Variants in TBCK observed in about 807,000 individuals in gnomAD.
TBCK encodes the protein TBC domain-containing protein kinase-like protein.
Under a neutral mutation model 113.4 loss-of-function variants are expected in TBCK, and 99 were observed. The observed-to-expected ratio is 0.87, with a 90% CI of 0.74 to 1.03. The LOEUF (loss-of-function observed/expected upper bound fraction) is 1.03, where lower values mean the gene tolerates loss of function less well. Among genes scored for constraint, TBCK ranks in the 50% least tolerant of loss-of-function variants. The pLI is 0.00. For missense variants in TBCK, 1,045 were observed against 1,061.3 expected (o/e 0.98, Z 0.21); for synonymous variants, 369 against 370.8 (o/e 1.00, Z 0.05).
At chr4:106,266,395 A>C (rs1762998783) in intron 3 of TBCK, among the ~76,000 whole-genome samples, 2 of 151,958 alleles carry the variant, frequency 1.3e-5, no homozygotes, top group East Asian at 3.9e-4. Flanking sequence ...TCAGCTGCAT[A>C]CTACTTCAAT....
intron 10 of TBCK, 92 bp downstream of exon 10, chr4:106,247,047 T>C (rs1760894674): frequency 3.2e-6 from 4 of 1,244,548 alleles, no homozygotes; most frequent in East Asian, 2.4e-5. Flanking sequence ...CACCAATATA[T>C]ATTGTTGATA....
intron 22 of TBCK, among the ~76,000 whole-genome samples, chr4:106,179,354 C>T (rs371254631): frequency 6.6e-6 from 1 of 151,974 alleles, no homozygotes; most frequent in East Asian, 1.9e-4. Flanking sequence ...ATTATTTCTA[C>T]TTTTCTGATG....
intron 2 of TBCK, among the ~76,000 whole-genome samples, chr4:106,305,782 C>G (rs1482108499): frequency 1.3e-5 from 2 of 152,112 alleles, no homozygotes; most frequent in Non-Finnish European, 2.9e-5. Flanking sequence ...CTAGCTAAAA[C>G]CCATCAAAAC....
intron 12 of TBCK, chr4:106,237,624 G>A (rs1560884023): frequency 4.9e-6 from 2 of 408,966 alleles, no homozygotes; most frequent in Non-Finnish European, 4.9e-6. Flanking sequence ...ACCCATGTGA[G>A]TTATTCCCAG....
intron 19 of TBCK, among the ~76,000 whole-genome samples, chr4:106,225,717 A>G (rs1187902876): frequency 6.6e-6 from 1 of 151,940 alleles, no homozygotes; most frequent in Non-Finnish European, 1.5e-5. Context: ...TCGGCCTCCC[A>G]AAGTGCTGGG....
chr4:106,165,105 T>G (rs926958307), intron 23 of TBCK, among the ~76,000 whole-genome samples: 6 of 151,738 alleles, frequency 4.0e-5, no homozygotes, highest in African/African-American at 1.4e-4. Context: ...GTCATAAATA[T>G]GTGATTAAAA....
At chr4:106,093,040 T>C (rs1378618346) in intron 25 of TBCK, among the ~76,000 whole-genome samples, 1 of 152,206 alleles carries the variant, frequency 6.6e-6, no homozygotes, top group African/African-American at 2.4e-5. Context: ...TGTGTTACTA[T>C]TTTCTGACTT....
intron 23 of TBCK, among the ~76,000 whole-genome samples, chr4:106,149,020 C>T (rs553574171): frequency 6.6e-6 from 1 of 152,326 alleles, no homozygotes; most frequent in East Asian, 1.9e-4. Flanking sequence ...TGTACTTTTA[C>T]GTTTTGAAGA....
chr4:106,129,911 A>G (rs1367273374), intron 23 of TBCK, among the ~76,000 whole-genome samples: 1 of 152,182 alleles, frequency 6.6e-6, no homozygotes, highest in African/African-American at 2.4e-5. Flanking sequence ...AGGTCACAGT[A>G]TTCATTCCCC....
In TBCK at chr4:106,256,322, C is replaced by T. The variant is rs370147888; in HGVS notation, c.455+4115G>A. On this transcript the variant is annotated intron_variant, in intron 5 of 25. Coordinates refer to ENST00000394708, the MANE Select transcript of TBCK (RefSeq NM_001163435.3). ...TGCCCAGGCTATTCGTGCCACGGAG[C>T]GCCTGCCCGCCAGCACTGAGCTGCC... Among the ~76,000 whole-genome samples the T allele has an allele frequency of 1.7e-4, 26 of 152,274 alleles. No individual in the cohort carries two copies. In the East Asian group the frequency reaches 3.3e-3, roughly 19 times the overall value.
chr4:106,212,912 T>A, intron 19 of TBCK, 77 bp from the exon 20 acceptor site: 1 of 917,782 alleles, frequency 1.1e-6, no homozygotes, highest in South Asian at 1.5e-5. Flanking sequence ...ATAGTTTTAT[T>A]TATACATTGA....
chr4:106,095,992 T>C, intron 24 of TBCK, among the ~76,000 whole-genome samples: 1 of 152,142 alleles, frequency 6.6e-6, no homozygotes, highest in Non-Finnish European at 1.5e-5. Context: ...ATTTAAATTT[T>C]CTAGTCAGCT....
At chr4:106,236,053 C>T (rs933628886) in intron 14 of TBCK, among the ~76,000 whole-genome samples, 4 of 151,842 alleles carry the variant, frequency 2.6e-5, no homozygotes, top group Admixed American at 1.3e-4. Context: ...GAACAATTTG[C>T]ATAGATTTAC....
chr4:106,294,760 C>T (rs1050471103), intron 3 of TBCK, among the ~76,000 whole-genome samples: 2 of 152,000 alleles, frequency 1.3e-5, no homozygotes, highest in Non-Finnish European at 2.9e-5. Flanking sequence ...GCATTACAGG[C>T]GTGAGCCACC....
intron 22 of TBCK, among the ~76,000 whole-genome samples, chr4:106,173,935 A>C (rs1370310603): frequency 2.0e-5 from 3 of 152,148 alleles, no homozygotes; most frequent in African/African-American, 7.2e-5. Flanking sequence ...GGTTTGAATT[A>C]AAGCTCCATG....
rs530491153 is a variant in TBCK at position 106,265,203 on chromosome 4, G to T, written c.267-2991C>A. Among the ~76,000 whole-genome samples the T allele has an allele frequency of 5.3e-5, 8 of 151,754 alleles. No individual in the cohort carries two copies. The South Asian group carries it at 1.5e-3, about 28-fold the overall frequency. ...TTTTCTCTCTCTTTTTCTCTAAGTT[G>T]GAACTCTTAGTAGACAGATGATAAC... On this transcript the variant is annotated intron_variant, in intron 3 of 25. Coordinates refer to ENST00000394708, the MANE Select transcript of TBCK (RefSeq NM_001163435.3).
At chr4:106,074,746 T>C (rs1374543826) in intron 25 of TBCK, among the ~76,000 whole-genome samples, 1 of 152,204 alleles carries the variant, frequency 6.6e-6, no homozygotes, top group Non-Finnish European at 1.5e-5. Context: ...TAAGAGATAG[T>C]GCAGTTACCT....
chr4:106,055,143 C>T (rs1210079590), intron 25 of TBCK, among the ~76,000 whole-genome samples: 1 of 151,484 alleles, frequency 6.6e-6, no homozygotes, highest in Non-Finnish European at 1.5e-5. Flanking sequence ...GAAAGTTTTA[C>T]TTTCTACTCT....
At position 106,242,521 on chromosome 4, in the gene TBCK, G is replaced by A. The variant is rs773553201; in HGVS notation, c.1119C>T (p.Ser373=). The change falls in exon 12 of 26, where the codon AGC becomes AGT. Residue 373 remains serine (S), a synonymous_variant. Coordinates refer to ENST00000394708, the MANE Select transcript of TBCK (RefSeq NM_001163435.3). ...TCACAGTGGTATCATCTAAAAGCGA[G>A]CTTCTATCTCGACCTTGTCCAAAGC... The part of the protein sequence containing the change: ...GESFGQGRDR[S]SLLDDTTVTL... 3.1e-6 allele frequency: 5 copies of A among 1,609,118 alleles called. No homozygotes were observed. In the Admixed American group the frequency reaches 6.7e-5, roughly 22 times the overall value.
Sources: allele counts gnomAD v4.1 joint callset (sites outside exome capture counted in the v4.1 genomes callset), GRCh38; gene constraint gnomAD v4.1.1; transcripts MANE v1.5; gene names NCBI Gene and HGNC (gene_info 2026-07-23, HGNC 2026-07-21).